SLFN14: variants seen among roughly 807,000 people sequenced by gnomAD.
SLFN14 encodes schlafen family member 14.
A neutral mutation model predicts 58.6 loss-of-function variants in SLFN14; 47 were observed. That is an observed-to-expected ratio of 0.80 (90% CI 0.64 to 1.02). The LOEUF (loss-of-function observed/expected upper bound fraction) is 1.02. Among genes scored for constraint, SLFN14 ranks in the 50% least tolerant of loss-of-function variants. The probability of loss-of-function intolerance (pLI) is 0.00; values close to 1 mark genes in which losing one functional copy is unlikely to be tolerated. For missense variants in SLFN14, 967 were observed against 1,078.4 expected (o/e 0.90, Z 1.45); for synonymous variants, 390 against 387.3 (o/e 1.01, Z -0.08).
chr17:35,555,849 G>C (rs2072647450), intron 3 of SLFN14, among the ~76,000 whole-genome samples: 1 of 152,074 alleles, frequency 6.6e-6, no homozygotes, highest in African/African-American at 2.4e-5. Flanking sequence ...CAGGGGTCCT[G>C]CTCCCCCCAG....
chr17:35,558,757 TTGGCACAGGAGCCCAGGAAGGTA>T (rs2072676661), intron 2 of SLFN14, among the ~76,000 whole-genome samples: 1 of 152,180 alleles, frequency 6.6e-6, no homozygotes, highest in African/African-American at 2.4e-5. Flanking sequence ...AGGGCATGGG[TTGGCACAGGAGCCCAGGAAGGTA>T]TTGGAGAATA....
In SLFN14 at chr17:35,544,886, A is replaced by G. The variant is rs2072523374; in HGVS notation, c.*3353T>C. Among the ~76,000 whole-genome samples, 1 of 152,080 alleles carries G rather than the reference A, an allele frequency of 6.6e-6. No homozygotes were observed. The highest frequency in any genetic ancestry group is 1.5e-5 in the Non-Finnish European group (1 of 67,994). ...TTTCCGAAGCTTCCATGATAATATT[A>G]TATTACCCTTCTTTTTAAAAGTAAG... On this transcript the variant is annotated 3_prime_UTR_variant, in exon 6 of 6. Transcript: ENST00000674182.
intron 2 of SLFN14, among the ~76,000 whole-genome samples, chr17:35,558,753 TG>T (rs2072676607): frequency 6.6e-6 from 1 of 152,146 alleles, no homozygotes; most frequent in African/African-American, 2.4e-5. Context: ...ATAAAGGGCA[TG>T]GGTTGGCACA....
intron 1 of SLFN14, among the ~76,000 whole-genome samples, 36 bp downstream of exon 1, chr17:35,560,731 T>A (rs565319106): frequency 6.7e-6 from 1 of 149,588 alleles, no homozygotes; most frequent in Non-Finnish European, 1.5e-5. Flanking sequence ...ATTAGATAAA[T>A]GAGATATTTT....
At chr17:35,555,726 A>C (rs964250069) in intron 3 of SLFN14, among the ~76,000 whole-genome samples, 3 of 152,208 alleles carry the variant, frequency 2.0e-5, no homozygotes, top group Non-Finnish European at 4.4e-5. Flanking sequence ...AATCTGGAAC[A>C]TACTGGCCGT....
In SLFN14 at chr17:35,557,547, A is replaced by C. The variant is rs1327943532; in HGVS notation, c.516T>G (p.Val172=). The change falls in exon 3 of 6, where the codon GTT becomes GTG. Residue 172 remains valine, a synonymous_variant. Transcript: ENST00000674182. ...PRVKKLHPQQ[V]LNRCIQEEED... is the part of the protein sequence containing the mutation. ...CCTCTTCCTGAATGCATCTATTGAG[A>C]ACCTGCTGAGGATGCAACTTCTTCA... 6.4e-7 allele frequency: 1 copy of C among 1,551,628 alleles called. No homozygotes were observed. Among genetic ancestry groups the C allele is most frequent in the Admixed American group, 2.0e-5 (1 of 51,004 alleles).
intron 3 of SLFN14, among the ~76,000 whole-genome samples, chr17:35,555,173 C>A (rs1407033901): frequency 6.6e-6 from 1 of 151,980 alleles, no homozygotes; most frequent in African/African-American, 2.4e-5. Flanking sequence ...GAGATCAAGA[C>A]CATCCTGGCT....
rs1295186195 is a variant in SLFN14 at position 35,548,775 on chromosome 17, C to A, written c.2203G>T (p.Ala735Ser). ...RKTITSGIHC[A>S]LEIAKVMKEE... ...TTCATAACCTTCGCTATTTCCAGAG[C>A]ACAGTGGATCCCACTGGTGATTGTT... Residue 735 changes from alanine (A) to serine (S), a missense_variant, in exon 6 of 6, where the codon GCT becomes TCT. Ala to Ser is a moderately conservative substitution (Grantham distance 99). Coordinates refer to ENST00000674182, the MANE Select transcript of SLFN14 (RefSeq NM_001129820.2). 1.3e-6 allele frequency: 2 copies of A among 1,551,660 alleles called. No homozygotes were observed. The highest frequency in any genetic ancestry group is 1.2e-5 in the South Asian group (1 of 84,058).
chr17:35,549,080 G>T lies in SLFN14; in HGVS notation c.1905-7C>A. ...TTGGCAGGTGGTTTGTTGGCTGTAAGGACGGAAAAAACAGGGCTTGAGGCA... is the reference window on the plus strand; with the variant it reads ...TTGGCAGGTGGTTTGTTGGCTGTAATGACGGAAAAAACAGGGCTTGAGGCA... On this transcript the variant is annotated splice_polypyrimidine_tract_variant and splice_region_variant and intron_variant, in intron 5 of 5. Transcript: ENST00000674182. 1 of 1,548,910 alleles carries T rather than the reference G, an allele frequency of 6.5e-7. No individual in the cohort carries two copies. The highest frequency in any genetic ancestry group is 8.7e-7 in the Non-Finnish European group (1 of 1,145,782).
chr17:35,545,977 T>C lies in SLFN14; in HGVS notation c.*2262A>G, dbSNP rs2072531594. On this transcript the variant is annotated 3_prime_UTR_variant, in exon 6 of 6. Transcript: ENST00000674182. ...TATTCTACTTTCATCCTGATTGAATTGTTTCACTAGACTAAGAACTGACAA... is the reference window on the plus strand; with the variant it reads ...TATTCTACTTTCATCCTGATTGAATCGTTTCACTAGACTAAGAACTGACAA... Among the ~76,000 whole-genome samples the C allele has an allele frequency of 6.6e-6, 1 of 152,216 alleles. No homozygotes were observed. Among genetic ancestry groups the C allele is most frequent in the South Asian group, 2.1e-4 (1 of 4,836 alleles).
rs1567711322 is a variant in SLFN14 at position 35,552,614 on chromosome 17, G to GTATATATATACACATATATATACA, written c.1904+92_1904+115dup. On this transcript the variant is annotated intron_variant, in intron 5 of 5. Coordinates refer to ENST00000674182, the MANE Select transcript of SLFN14 (RefSeq NM_001129820.2). ...CTGCAAAAAGAATATATATATATGT[G>GTATATATATACACATATATATACA]TATATATATACACATATATATACAT... is the stretch of plus-strand genomic sequence containing the variant. The GTATATATATACACATATATATACA allele has an allele frequency of 6.1e-5, 19 of 311,332 alleles. No individual in the cohort carries two copies. In the Admixed American group the frequency reaches 6.3e-4, roughly 10 times the overall value. The allele number at this position is 311,332 out of a possible 1,614,324, so 19.3% of individuals were successfully genotyped here.
chr17:35,555,387 T>C (rs183016266), intron 3 of SLFN14, among the ~76,000 whole-genome samples: 1,552 of 137,656 alleles, frequency 0.011, 24 homozygotes, highest in African/African-American at 0.04. Flanking sequence ...AAAAAAAAAA[T>C]ACAAAAAAAT....
rs945745679 is a variant in SLFN14, at chr17:35,544,768, T to C, written c.*3471A>G. 6.6e-6 allele frequency among the ~76,000 whole-genome samples: 1 copy of C among 152,166 alleles called. No homozygotes were observed. The highest frequency in any genetic ancestry group is 2.4e-5 in the African/African-American group (1 of 41,444). On this transcript the variant is annotated 3_prime_UTR_variant, in exon 6 of 6. Transcript: ENST00000674182. ...GTCTTGAACTCCTGACCTCAGGTGA[T>C]TCACCCACCTCAGCCTCCCAAAGTG... is the stretch of plus-strand genomic sequence containing the variant.
rs2072533895 is a variant in SLFN14, at chr17:35,546,266, C to G, written c.*1973G>C. The stretch of plus-strand genomic sequence containing the variant: ...CAAAACCGATTGCTGAACTTCATTT[C>G]CTCCTATCCAAAACTACCCTAAAGC... On this transcript the variant is annotated 3_prime_UTR_variant, in exon 6 of 6. Transcript: ENST00000674182. 6.6e-6 allele frequency among the ~76,000 whole-genome samples: 1 copy of G among 152,172 alleles called. No individual in the cohort carries two copies. The highest frequency in any genetic ancestry group is 1.9e-4 in the East Asian group (1 of 5,200).
Position 35,557,405 on chromosome 17 carries a change from C to T in SLFN14, c.658G>A (p.Val220Ile), listed in dbSNP as rs2072662917. ...AGCATTTCCTTAATCCGAGGTATGA[C>T]TTTTTTGGTGGTGAACCTTTTAAAT... ...VEFKRFTTKKVIPRIKEMLPH... is the reference protein window; with the variant it reads ...VEFKRFTTKKIIPRIKEMLPH... Residue 220 changes from valine to isoleucine, a missense_variant, in exon 3 of 6, where the codon GTC (valine) becomes ATC (isoleucine). By Grantham distance (29) the Val-to-Ile change is conservative (BLOSUM62 3). Transcript: ENST00000674182. 5 of 1,551,508 alleles carry T rather than the reference C, an allele frequency of 3.2e-6. No individual in the cohort carries two copies. The highest frequency in any genetic ancestry group is 2.4e-5 in the East Asian group (1 of 40,928).
At chr17:35,558,801 G>A (rs2072676900) in intron 2 of SLFN14, among the ~76,000 whole-genome samples, 1 of 152,174 alleles carries the variant, frequency 6.6e-6, no homozygotes, top group African/African-American at 2.4e-5. Context: ...TGCAGAAATA[G>A]AAGTTGAAGT....
chr17:35,545,041 A>G lies in SLFN14; in HGVS notation c.*3198T>C, dbSNP rs927274262. Among the ~76,000 whole-genome samples the G allele has an allele frequency of 1.3e-5, 2 of 152,208 alleles. No homozygotes were observed. The highest frequency in any genetic ancestry group is 4.8e-5 in the African/African-American group (2 of 41,458). On this transcript the variant is annotated 3_prime_UTR_variant, in exon 6 of 6. Coordinates refer to ENST00000674182, the MANE Select transcript of SLFN14 (RefSeq NM_001129820.2). Reference sequence around the variant, plus strand: ...AATTCTAAAACAACCAAGTTAGTCCATTATTCTTAGTCCCCACCAGTTCCT... The same window carrying G: ...AATTCTAAAACAACCAAGTTAGTCCGTTATTCTTAGTCCCCACCAGTTCCT...
chr17:35,557,112 G>A lies in SLFN14; in HGVS notation c.951C>T (p.Phe317=), dbSNP rs2072658811. 6.4e-7 allele frequency: 1 copy of A among 1,551,534 alleles called. No individual in the cohort carries two copies. Among genetic ancestry groups the A allele is most frequent in the Non-Finnish European group, 8.7e-7 (1 of 1,146,988 alleles). Residue 317 remains phenylalanine (F), a synonymous_variant, in exon 3 of 6, where the codon TTC becomes TTT. Transcript: ENST00000674182. ...GGGCCTCTGCAAACACCACGCAACA[G>A]AAGGGCTCCACTTGAATCACACAGA... ...GYVCVIQVEP[F]CCVVFAEAPD...
At chr17:35,552,611 T>C in intron 5 of SLFN14, 119 bp downstream of exon 5, 1 of 329,978 alleles carries the variant, frequency 3.0e-6, no homozygotes, top group Non-Finnish European at 4.8e-6. Flanking sequence ...TATATATATA[T>C]GTGTATATAT....
Sources: allele counts gnomAD v4.1 joint callset (sites outside exome capture counted in the v4.1 genomes callset), GRCh38; gene constraint gnomAD v4.1.1; transcripts MANE v1.5; gene names NCBI Gene and HGNC (gene_info 2026-07-23, HGNC 2026-07-21).